NTM: variants seen among roughly 807,000 people sequenced by gnomAD.
The protein encoded by NTM is neurotrimin, also known as IgLON family member 2.
Under a neutral mutation model 42.1 loss-of-function variants are expected in NTM, and 13 were observed. The ratio of observed to expected loss-of-function variants is 0.31; its 90% CI spans 0.20 to 0.49. The LOEUF is 0.49. Among genes scored for constraint, NTM ranks in the 20% least tolerant of loss-of-function variants. The pLI, the probability that NTM is intolerant of heterozygous loss-of-function variation, is 0.99. For missense variants in NTM, 373 were observed against 452.8 expected (o/e 0.82, Z 1.60); for synonymous variants, 187 against 179.2 (o/e 1.04, Z -0.35).
intron 8 of NTM, chr11:132,332,192 A>T (rs573832923): frequency 6.6e-6 from 1 of 152,348 alleles, no homozygotes; most frequent in East Asian, 1.9e-4. Context: ...CTTTGGGAGG[A>T]TGTCTCATTT....
At chr11:131,651,831 C>T (rs1031784302) in intron 1 of NTM, among the ~76,000 whole-genome samples, 2 of 151,602 alleles carry the variant, frequency 1.3e-5, no homozygotes, top group African/African-American at 4.8e-5. Context: ...CAATGTGAGA[C>T]TCCGTCCCCG....
chr11:132,296,316 G>A (rs1181255375), intron 4 of NTM, among the ~76,000 whole-genome samples: 1 of 152,178 alleles, frequency 6.6e-6, no homozygotes, highest in Non-Finnish European at 1.5e-5. Context: ...GTTTACCTGG[G>A]GAGGGGGTAG....
chr11:132,028,869 T>A (rs2075549152), intron 2 of NTM, among the ~76,000 whole-genome samples: 1 of 152,138 alleles, frequency 6.6e-6, no homozygotes, highest in South Asian at 2.1e-4. Flanking sequence ...TGATCCTTAC[T>A]GTGAGAACCT....
intron 2 of NTM, among the ~76,000 whole-genome samples, chr11:131,973,879 A>G (rs767598064): frequency 1.3e-5 from 2 of 152,096 alleles, no homozygotes; most frequent in African/African-American, 2.4e-5. Flanking sequence ...TATGCACAAC[A>G]TGGGCTTGGA....
intron 8 of NTM, among the ~76,000 whole-genome samples, chr11:132,330,591 GAAGGGAAGTGGC>G (rs1264174529): frequency 6.6e-6 from 1 of 152,190 alleles, no homozygotes; most frequent in African/African-American, 2.4e-5. Flanking sequence ...CTTGGAGCTG[GAAGGGAAGTGGC>G]AAGGGGAGGG....
chr11:131,598,755 CTTCTTTCTTTT>C (rs1412258639), intron 1 of NTM, among the ~76,000 whole-genome samples: 2,118 of 30,626 alleles, frequency 0.069, 111 homozygotes, highest in South Asian at 0.082. Flanking sequence ...TTCTTTCTTT[CTTCTTTCTTTT>C]TTTCTTTCTT....
chr11:131,881,355 A>G (rs1208135413), intron 1 of NTM, among the ~76,000 whole-genome samples: 2 of 152,168 alleles, frequency 1.3e-5, no homozygotes, highest in African/African-American at 4.8e-5. Flanking sequence ...TTGAAATCAG[A>G]AACACCGAGT....
chr11:131,957,864 TTGTG>T (rs202100364), intron 2 of NTM, among the ~76,000 whole-genome samples: 1 of 149,364 alleles, frequency 6.7e-6, no homozygotes, highest in Non-Finnish European at 1.5e-5. Context: ...GAATAGGTGG[TTGTG>T]TGTGTGTGTG....
intron 1 of NTM, chr11:131,794,591 T>C (rs934876087): frequency 1.0e-6 from 1 of 983,958 alleles, no homozygotes; most frequent in Non-Finnish European, 1.2e-6. Flanking sequence ...GAAATGGCAA[T>C]AGACCGACAC....
intron 8 of NTM, chr11:132,332,769 T>C (rs2095824494): frequency 6.6e-6 from 1 of 152,226 alleles, no homozygotes; most frequent in Admixed American, 6.5e-5. Flanking sequence ...ACATGGTAAC[T>C]ACGCCAGGCC....
chr11:131,424,600 C>CTTTTCTTTTCTTTT (rs1555108116), intron 1 of NTM, among the ~76,000 whole-genome samples: 2 of 56,052 alleles, frequency 3.6e-5, no homozygotes, highest in African/African-American at 1.5e-4. Context: ...CTTTTCTTTT[C>CTTTTCTTTTCTTTT]TTTTTTTTTT....
chr11:131,944,971 G>T (rs2060192353), intron 2 of NTM, among the ~76,000 whole-genome samples: 1 of 152,160 alleles, frequency 6.6e-6, no homozygotes, highest in Non-Finnish European at 1.5e-5. Flanking sequence ...ATAAAACCCA[G>T]CCTGGATCTA....
chr11:132,311,731 ATTATTCCAATTCTT>A (rs1399103060), intron 6 of NTM, among the ~76,000 whole-genome samples: 2 of 152,182 alleles, frequency 1.3e-5, no homozygotes. Context: ...GCTGCGTCCT[ATTATTCCAATTCTT>A]TATTGGAGAA....
chr11:132,126,464 G>A (rs1324473889), intron 2 of NTM, among the ~76,000 whole-genome samples: 1 of 152,152 alleles, frequency 6.6e-6, no homozygotes, highest in Non-Finnish European at 1.5e-5. Context: ...CTGACAAAAT[G>A]AGGCGATCAG....
In NTM at chr11:132,111,300, A is replaced by G. The variant is rs186534729; in HGVS notation, c.168-34982A>G. Among the ~76,000 whole-genome samples the G allele has an allele frequency of 3.4e-3, 510 of 151,520 alleles. 1 individual carries two copies. The highest frequency in any genetic ancestry group is 7.9e-3 in the South Asian group (38 of 4,806). ...ATATATAAATATATGTATTTTTTAT[A>G]TATACATATATATTTTTTCTTGATT... On this transcript the variant is annotated intron_variant, in intron 2 of 8. Coordinates refer to ENST00000683400, the MANE Select transcript of NTM (RefSeq NM_001352005.2).
At chr11:132,103,202 G>A (rs2061845151) in intron 2 of NTM, among the ~76,000 whole-genome samples, 1 of 152,234 alleles carries the variant, frequency 6.6e-6, no homozygotes, top group Admixed American at 6.5e-5. Flanking sequence ...GCTTATGTAA[G>A]ACAGATTGGA....
intron 4 of NTM, among the ~76,000 whole-genome samples, chr11:132,301,866 AATATT>A (rs2094875679): frequency 6.6e-6 from 1 of 152,220 alleles, no homozygotes. Flanking sequence ...ATGCCATAAA[AATATT>A]AAGCAAGGAG....
At chr11:132,096,043 C>T (rs1212497119) in intron 2 of NTM, among the ~76,000 whole-genome samples, 1 of 152,212 alleles carries the variant, frequency 6.6e-6, no homozygotes, top group Non-Finnish European at 1.5e-5. Flanking sequence ...GCCCCATGAT[C>T]TGCCACAGCT....
chr11:131,922,957 G>A (rs894650443), intron 2 of NTM, among the ~76,000 whole-genome samples: 7 of 152,194 alleles, frequency 4.6e-5, no homozygotes, highest in African/African-American at 1.4e-4. Context: ...AACTTACTAA[G>A]ACTGTTCTTG....
Sources: gnomAD v4.1 joint callset for allele counts (sites outside exome capture counted in the v4.1 genomes callset) on GRCh38, gnomAD v4.1.1 for gene constraint, MANE v1.5 for transcripts, NCBI Gene and HGNC (gene_info 2026-07-23, HGNC 2026-07-21) for gene names.